Variants in MAP3K7 observed in about 807,000 individuals in gnomAD.
MAP3K7 encodes TGF-beta activated kinase 1.
Under a neutral mutation model 84.8 loss-of-function variants are expected in MAP3K7, and 21 were observed. That is an observed-to-expected ratio of 0.25 (90% CI 0.18 to 0.36). The LOEUF (loss-of-function observed/expected upper bound fraction) is 0.36. Among genes scored for constraint, MAP3K7 ranks in the 10% least tolerant of loss-of-function variants. The pLI is 1.00. For synonymous variants in MAP3K7, 241 were observed against 247.7 expected (o/e 0.97, Z 0.25); for missense variants, 503 against 747.7 (o/e 0.67, Z 3.82).
At chr6:90,554,558 T>C (rs986967010) in intron 6 of MAP3K7, among the ~76,000 whole-genome samples, 3 of 152,224 alleles carry the variant, frequency 2.0e-5, no homozygotes, top group African/African-American at 7.2e-5. Context: ...AATATAGCAC[T>C]ACAACCATGC....
intron 3 of MAP3K7, among the ~76,000 whole-genome samples, chr6:90,566,459 A>G (rs1228018001): frequency 6.6e-6 from 1 of 152,212 alleles, no homozygotes. Context: ...ACTCCCATTC[A>G]CAATTGCTTC....
chr6:90,578,725 T>A (rs1391888065), intron 1 of MAP3K7, among the ~76,000 whole-genome samples: 2 of 152,220 alleles, frequency 1.3e-5, no homozygotes, highest in Non-Finnish European at 2.9e-5. Context: ...ATTAGCTCTC[T>A]AAGGGAGAAG....
chr6:90,560,718 T>C (rs908187115), intron 4 of MAP3K7, among the ~76,000 whole-genome samples: 4 of 152,180 alleles, frequency 2.6e-5, no homozygotes, highest in African/African-American at 4.8e-5. Flanking sequence ...GAGTGGATAA[T>C]TGCCATGATA....
rs1582151181 is a variant in MAP3K7 at position 90,516,064 on chromosome 6, C to A, written c.*437G>T. The A allele has an allele frequency of 5.3e-6, 1 of 187,238 alleles. No homozygotes were observed. Among genetic ancestry groups the A allele is most frequent in the African/African-American group, 2.4e-5 (1 of 41,600 alleles). The allele number at this position is 187,238 out of a possible 1,614,324, so 11.6% of individuals were successfully genotyped here. A position where few individuals can be genotyped will look rare whatever the true frequency, so the allele number is the denominator to read the frequency against. Reference sequence around the variant, plus strand: ...TACCCTGTCTTTAACTTGGTATATACCATCTTTTGGGAAAAAAATTATTAA... The same window carrying A: ...TACCCTGTCTTTAACTTGGTATATAACATCTTTTGGGAAAAAAATTATTAA... On this transcript the variant is annotated 3_prime_UTR_variant, in exon 17 of 17. Coordinates refer to ENST00000369329, the MANE Select transcript of MAP3K7 (RefSeq NM_145331.3).
At chr6:90,585,569 T>A (rs1777417796) in intron 1 of MAP3K7, among the ~76,000 whole-genome samples, 2 of 150,366 alleles carry the variant, frequency 1.3e-5, no homozygotes, top group African/African-American at 5.0e-5. Context: ...TCAACCAAAG[T>A]TTTTAACAAG....
rs199879592 is a variant in MAP3K7, at chr6:90,556,575, T to C, written c.532A>G (p.Thr178Ala). Residue 178 changes from threonine (T) to alanine (A), a missense_variant, in exon 6 of 17, where the codon ACA (threonine) becomes GCA (alanine). Transcript: ENST00000369329. ...ATGTGTGTCTGAATGTCACAGGCTG[T>C]ACCAAAATCACAAATTTTTAGAACT... Reference protein sequence around the residue: ...GTVLKICDFGTACDIQTHMTN... With the variant: ...GTVLKICDFGAACDIQTHMTN... The C allele has an allele frequency of 6.2e-7, 1 of 1,613,276 alleles. No homozygotes were observed. Among genetic ancestry groups the C allele is most frequent in the East Asian group, 2.2e-5 (1 of 44,818 alleles).
intron 8 of MAP3K7, chr6:90,551,516 G>A (rs192604419): frequency 1.3e-5 from 2 of 152,224 alleles, no homozygotes; most frequent in East Asian, 3.9e-4. Flanking sequence ...CTTCTAAATA[G>A]AAGAAAGTTT....
intron 1 of MAP3K7, among the ~76,000 whole-genome samples, chr6:90,575,192 A>C (rs1422131395): frequency 6.6e-6 from 1 of 152,188 alleles, no homozygotes; most frequent in Non-Finnish European, 1.5e-5. Flanking sequence ...AATATATATA[A>C]AGAATGGACC....
rs190760224 is a variant in MAP3K7 at position 90,523,324 on chromosome 6, G to C, written c.1462+354C>G. Among the ~76,000 whole-genome samples the C allele has an allele frequency of 5.3e-5, 8 of 151,794 alleles. No homozygotes were observed. In the East Asian group the frequency reaches 1.5e-3, roughly 29 times the overall value. On this transcript the variant is annotated intron_variant, in intron 14 of 16. Coordinates refer to ENST00000369329, the MANE Select transcript of MAP3K7 (RefSeq NM_145331.3). ...TGATTTTTACCATTCTCCGATTTTG[G>C]TTACTGAAAAAATGACTTTACTACT...
chr6:90,586,212 A>G (rs1191559932), intron 1 of MAP3K7, among the ~76,000 whole-genome samples: 1 of 151,438 alleles, frequency 6.6e-6, no homozygotes, highest in Non-Finnish European at 1.5e-5. Context: ...CTCTACTAAA[A>G]ATACAAAAAA....
chr6:90,538,522 C>T (rs1775749559), intron 12 of MAP3K7, among the ~76,000 whole-genome samples: 1 of 151,832 alleles, frequency 6.6e-6, no homozygotes, highest in African/African-American at 2.4e-5. Context: ...CATATGCTAT[C>T]CTGAGTATTT....
intron 13 of MAP3K7, among the ~76,000 whole-genome samples, chr6:90,534,176 C>T (rs531451961): frequency 3.9e-5 from 6 of 152,290 alleles, no homozygotes; most frequent in South Asian, 2.1e-4. Flanking sequence ...GATGGAATCA[C>T]GCTTAGCCAG....
At chr6:90,523,264 G>A (rs9342229) in intron 14 of MAP3K7, among the ~76,000 whole-genome samples, 4,111 of 151,978 alleles carry the variant, frequency 0.027, 68 homozygotes, top group Middle Eastern at 0.044. Context: ...ATGACATCTC[G>A]TGTCCTTAAA....
rs1258313535 is a variant in MAP3K7 at position 90,516,082 on chromosome 6, A to T, written c.*419T>A. ...GTATATACCATCTTTTGGGAAAAAA[A>T]TTATTAATATTTTGAGATGAGATAC... On this transcript the variant is annotated 3_prime_UTR_variant, in exon 17 of 17. Transcript: ENST00000369329. 3 of 177,458 alleles carry T rather than the reference A, an allele frequency of 1.7e-5. No homozygotes were observed. In the Admixed American group the frequency reaches 1.8e-4, roughly 11 times the overall value. The allele number at this position is 177,458 out of a possible 1,614,324, so 11.0% of individuals were successfully genotyped here.
Position 90,541,943 on chromosome 6 carries a change from A to G in MAP3K7, c.1291+2609T>C, listed in dbSNP as rs189895364. Among the ~76,000 whole-genome samples the G allele has an allele frequency of 1.4e-4, 21 of 152,094 alleles. No homozygotes were observed. In the East Asian group the frequency reaches 3.1e-3, roughly 22 times the overall value. On this transcript the variant is annotated intron_variant, in intron 12 of 16. Coordinates refer to ENST00000369329, the MANE Select transcript of MAP3K7 (RefSeq NM_145331.3). ...AAGTACATTAGACTCAGTACATTGCACTTGGCCAAAGGGAAGTATTAACGA... is the reference window on the plus strand; with the variant it reads ...AAGTACATTAGACTCAGTACATTGCGCTTGGCCAAAGGGAAGTATTAACGA...
At chr6:90,572,705 A>G (rs1449260798) in intron 1 of MAP3K7, among the ~76,000 whole-genome samples, 1 of 152,134 alleles carries the variant, frequency 6.6e-6, no homozygotes. Flanking sequence ...TTATTTTTCA[A>G]AAGTCATAAA....
Position 90,565,884 on chromosome 6 carries a change from C to A in MAP3K7, c.297+2674G>T, listed in dbSNP as rs145482410. 1.5e-3 allele frequency among the ~76,000 whole-genome samples: 235 copies of A among 152,302 alleles called. 1 individual carries two copies. The highest frequency in any genetic ancestry group is 2.5e-3 in the Non-Finnish European group (170 of 68,024). On this transcript the variant is annotated intron_variant, in intron 3 of 16. Transcript: ENST00000369329. ...TCCACCACGATCAAGTTGGCCTCAT[C>A]CCTGGGTTGCAAGGCTGGTTCAACA...
Position 90,515,640 on chromosome 6 carries a change from C to T in MAP3K7, c.*861G>A, listed in dbSNP as rs1313930808. ...TTCTTCATTTTTTTTTTTTCAAATA[C>T]ATGAGAAAACAATCCAAGAATCACT... On this transcript the variant is annotated 3_prime_UTR_variant, in exon 17 of 17. Transcript: ENST00000369329. 6.7e-6 allele frequency: 1 copy of T among 149,858 alleles called. No individual in the cohort carries two copies. The highest frequency in any genetic ancestry group is 1.5e-5 in the Non-Finnish European group (1 of 67,514). 9.3% of individuals were successfully genotyped at this position (149,858 alleles called of 1,614,324 possible).
intron 6 of MAP3K7, among the ~76,000 whole-genome samples, chr6:90,555,613 C>G (rs987275474): frequency 1.3e-5 from 2 of 152,096 alleles, no homozygotes; most frequent in Non-Finnish European, 2.9e-5. Flanking sequence ...TTTTTAATTG[C>G]TAGGAAACCA....
Sources: allele counts gnomAD v4.1 joint callset (sites outside exome capture counted in the v4.1 genomes callset), GRCh38; gene constraint gnomAD v4.1.1; transcripts MANE v1.5; gene names NCBI Gene and HGNC (gene_info 2026-07-23, HGNC 2026-07-21).